SLC28A1: variants seen among roughly 807,000 people sequenced by gnomAD.
SLC28A1 encodes the protein sodium/nucleoside cotransporter 1.
Under a neutral mutation model 74.8 loss-of-function variants are expected in SLC28A1, and 64 were observed. The ratio of observed to expected loss-of-function variants is 0.86; its 90% CI spans 0.70 to 1.05. The LOEUF (loss-of-function observed/expected upper bound fraction) is 1.05. Ranked by LOEUF, SLC28A1 falls within the 50% of genes least tolerant of loss-of-function variation. The pLI, the probability that SLC28A1 is intolerant of heterozygous loss-of-function variation, is 0.00. For synonymous variants in SLC28A1, 359 were observed against 335.0 expected, an observed-to-expected ratio of 1.07 and a Z score of -0.78; for missense variants, 828 against 822.8, an observed-to-expected ratio of 1.01 and a Z score of -0.08.
intron 12 of SLC28A1, among the ~76,000 whole-genome samples, chr15:84,926,970 C>G (rs1290719552): frequency 2.0e-5 from 3 of 152,154 alleles, no homozygotes; most frequent in Non-Finnish European, 4.4e-5. Context: ...ATGCCTGGAC[C>G]ACACCAATAA....
chr15:84,921,979 G>A (rs1297208406), intron 11 of SLC28A1, among the ~76,000 whole-genome samples: 2 of 152,208 alleles, frequency 1.3e-5, no homozygotes, highest in Admixed American at 6.5e-5. Context: ...GATGTGAAGC[G>A]CTGCCAAGGT....
At chr15:84,960,432 AT>A in the SLC28A1 span, among the ~76,000 whole-genome samples, 1 of 151,662 alleles carries the variant, frequency 6.6e-6, no homozygotes, top group South Asian at 2.1e-4. Context: ...TAATTTTTGC[AT>A]TTTTAGTAGA....
At chr15:84,892,872 C>A (rs1376474829) in intron 5 of SLC28A1, among the ~76,000 whole-genome samples, 1 of 152,202 alleles carries the variant, frequency 6.6e-6, no homozygotes, top group Non-Finnish European at 1.5e-5. Flanking sequence ...GGAGGTGCCT[C>A]TTGCCCGCTC....
chr15:84,887,811 G>A lies in SLC28A1; in HGVS notation c.51G>A (p.Val17=), dbSNP rs1378898536. 3 of 1,613,970 alleles carry A rather than the reference G, an allele frequency of 1.9e-6. No individual in the cohort carries two copies. The African/African-American group carries it at 4.0e-5, about 22-fold the overall frequency. The change falls in exon 3 of 19, where the codon GTG becomes GTA. Residue 17 remains valine (V), a synonymous_variant. Transcript: ENST00000394573. ...GAGAGTCCATCTCTCTCACACCTGTGGCCAAGGGTCTGGAGAACATGGGGG... is the reference window on the plus strand; with the variant it reads ...GAGAGTCCATCTCTCTCACACCTGTAGCCAAGGGTCTGGAGAACATGGGGG... ...RRRESISLTP[V]AKGLENMGAD...
chr15:84,935,557 C>T, intron 15 of SLC28A1, 39 bp downstream of exon 15: 1 of 1,559,918 alleles, frequency 6.4e-7, no homozygotes, highest in Non-Finnish European at 8.8e-7. Context: ...AGGGGGATGA[C>T]ACGGCACAGC....
the SLC28A1 span, among the ~76,000 whole-genome samples, chr15:84,970,682 C>T: frequency 6.6e-6 from 1 of 151,996 alleles, no homozygotes; most frequent in Non-Finnish European, 1.5e-5. Flanking sequence ...ATCTGATTCT[C>T]TGTGAAAACT....
At chr15:84,908,916 G>A (rs1967719260) in intron 9 of SLC28A1, 121 bp downstream of exon 9, 2 of 806,898 alleles carry the variant, frequency 2.5e-6, no homozygotes, top group South Asian at 1.4e-5. Context: ...GGCAGAGGTC[G>A]CCGTACTGGG....
chr15:84,961,325 G>C, the SLC28A1 span, among the ~76,000 whole-genome samples: 1 of 151,426 alleles, frequency 6.6e-6, no homozygotes, highest in Non-Finnish European at 1.5e-5. Context: ...CTGTGAGTGA[G>C]AGAGAATTTT....
chr15:84,911,852 C>G (rs1049636308), intron 9 of SLC28A1, among the ~76,000 whole-genome samples: 7 of 75,838 alleles, frequency 9.2e-5, no homozygotes, highest in African/African-American at 2.8e-4. Context: ...GAGTGAGACT[C>G]CATCTCAAAA....
At chr15:84,931,975 C>A (rs1346494656) in intron 12 of SLC28A1, among the ~76,000 whole-genome samples, 1 of 151,500 alleles carries the variant, frequency 6.6e-6, no homozygotes, top group African/African-American at 2.4e-5. Flanking sequence ...GCACTCCAGC[C>A]TGGGCAACAG....
At chr15:84,919,490 G>C (rs1969545183) in intron 10 of SLC28A1, among the ~76,000 whole-genome samples, 1 of 152,210 alleles carries the variant, frequency 6.6e-6, no homozygotes, top group Non-Finnish European at 1.5e-5. Context: ...GCCAAATAGA[G>C]GGTATGGTTT....
chr15:84,948,214 T>G (rs889619452), downstream of SLC28A1, among the ~76,000 whole-genome samples: 1 of 152,214 alleles, frequency 6.6e-6, no homozygotes, highest in African/African-American at 2.4e-5. Flanking sequence ...TTCAGCTGAA[T>G]GTTAATTAGT....
intron 6 of SLC28A1, among the ~76,000 whole-genome samples, chr15:84,897,762 A>T (rs920326886): frequency 1.3e-5 from 2 of 152,190 alleles, no homozygotes; most frequent in South Asian, 2.1e-4. Context: ...TGTACCCATT[A>T]ATCAACTACT....
At chr15:84,929,315 C>A (rs1373401936) in intron 12 of SLC28A1, among the ~76,000 whole-genome samples, 2 of 151,952 alleles carry the variant, frequency 1.3e-5, no homozygotes, top group South Asian at 2.1e-4. Context: ...GAGGCCGAGG[C>A]GGGTGGATCA....
the SLC28A1 span, among the ~76,000 whole-genome samples, chr15:84,956,201 AG>A: frequency 6.6e-6 from 1 of 152,156 alleles, no homozygotes; most frequent in African/African-American, 2.4e-5. Flanking sequence ...TCCCCATTAC[AG>A]AAGATGAAGC....
chr15:84,935,554 T>A, intron 15 of SLC28A1, 36 bp downstream of exon 15: 1 of 1,565,552 alleles, frequency 6.4e-7, no homozygotes, highest in Non-Finnish European at 8.8e-7. Context: ...AGCAGGGGGA[T>A]GACACGGCAC....
chr15:84,916,713 A>T (rs1392993681), intron 9 of SLC28A1, among the ~76,000 whole-genome samples: 2 of 152,176 alleles, frequency 1.3e-5, no homozygotes, highest in African/African-American at 4.8e-5. Context: ...TTCCCTTGAG[A>T]AATGTCCACC....
rs770059000 is a variant in SLC28A1, at chr15:84,944,642, C to T, written c.1740C>T (p.Ser580=). The part of the protein sequence containing the change: ...LRALFTGACV[S]LVNACMAGIL... ...CGCTCTTCACGGGAGCCTGTGTGTC[C>T]CTGGTGAACGCCTGTATGGCAGGTG... Residue 580 remains serine (S), a synonymous_variant, in exon 17 of 19, where the codon TCC becomes TCT. Transcript: ENST00000394573. The T allele has an allele frequency of 5.6e-6, 9 of 1,613,906 alleles. No homozygotes were observed. The highest frequency in any genetic ancestry group is 7.6e-6 in the Non-Finnish European group (9 of 1,179,762).
Position 84,905,532 on chromosome 15 carries a change from G to A in SLC28A1, c.604-7G>A. 1.3e-6 allele frequency: 2 copies of A among 1,594,232 alleles called. No homozygotes were observed. The highest frequency in any genetic ancestry group is 1.7e-6 in the Non-Finnish European group (2 of 1,162,046). On this transcript the variant is annotated splice_region_variant and splice_polypyrimidine_tract_variant and intron_variant, in intron 7 of 18. Coordinates refer to ENST00000394573, the MANE Select transcript of SLC28A1 (RefSeq NM_004213.5). ...TGAACTCAGCTTTCTGTTGGGTGGG[G>A]TGGTAGGTGTCCTGGAGGGCCGTGT...
Sources: gnomAD v4.1 joint callset for allele counts (sites outside exome capture counted in the v4.1 genomes callset) on GRCh38, gnomAD v4.1.1 for gene constraint, MANE v1.5 for transcripts, NCBI Gene and HGNC (gene_info 2026-07-23, HGNC 2026-07-21) for gene names.